The following AEBP2 variants were observed in gnomAD, a reference collection of about 807,000 sequenced individuals.
AEBP2 encodes the protein AE binding protein 2, also known as zinc finger protein AEBP2.
In AEBP2, 10 loss-of-function variants were observed where a neutral mutation model predicts 50.8. That is an observed-to-expected ratio of 0.20 (90% CI 0.12 to 0.33). AEBP2 has a LOEUF of 0.33. Ranked by LOEUF, AEBP2 falls within the 10% of genes least tolerant of loss-of-function variation. The pLI, the probability that AEBP2 is intolerant of heterozygous loss-of-function variation, is 1.00. For missense variants in AEBP2, 570 were observed against 688.0 expected, an observed-to-expected ratio of 0.83 and a Z score of 1.92; for synonymous variants, 296 against 261.3, an observed-to-expected ratio of 1.13 and a Z score of -1.28.
chr12:19,454,548 C>T (rs113165865), intron 1 of AEBP2, among the ~76,000 whole-genome samples: 418 of 152,260 alleles, frequency 2.7e-3, no homozygotes, highest in African/African-American at 9.6e-3. Context: ...CCTTTTTACT[C>T]AGTGATGTAT....
At chr12:19,449,960 C>T (rs1948138162) in intron 1 of AEBP2, among the ~76,000 whole-genome samples, 1 of 152,150 alleles carries the variant, frequency 6.6e-6, no homozygotes, top group Non-Finnish European at 1.5e-5. Flanking sequence ...AGAATTCCTT[C>T]CACCTTAGAT....
intron 2 of AEBP2, among the ~76,000 whole-genome samples, chr12:19,465,532 A>G (rs930156185): frequency 1.3e-5 from 2 of 152,206 alleles, no homozygotes; most frequent in Non-Finnish European, 2.9e-5. Context: ...GTTTTTTCCT[A>G]CATACCAGTC....
At chr12:19,479,303 C>T (rs1172244077) in intron 3 of AEBP2, among the ~76,000 whole-genome samples, 2 of 152,140 alleles carry the variant, frequency 1.3e-5, no homozygotes, top group Non-Finnish European at 2.9e-5. Flanking sequence ...TGTTGACTTT[C>T]GGTCTTGATG....
chr12:19,488,428 A>G (rs182547344), intron 3 of AEBP2, among the ~76,000 whole-genome samples: 148 of 151,228 alleles, frequency 9.8e-4, no homozygotes, highest in Non-Finnish European at 1.8e-3. Context: ...GCTCCTATCC[A>G]TATTAAATAT....
chr12:19,437,533 G>C (rs1489783284), upstream of AEBP2, among the ~76,000 whole-genome samples: 2 of 152,036 alleles, frequency 1.3e-5, no homozygotes, highest in Non-Finnish European at 2.9e-5. Flanking sequence ...CGTAGAGACA[G>C]GGTCTCGCTA....
chr12:19,443,909 C>G (rs1005294873), intron 1 of AEBP2, among the ~76,000 whole-genome samples: 1 of 151,678 alleles, frequency 6.6e-6, no homozygotes, highest in African/African-American at 2.4e-5. Flanking sequence ...AAGTTTATAG[C>G]GTGTTTATTT....
At chr12:19,496,088 G>T (rs1204578289) in intron 4 of AEBP2, among the ~76,000 whole-genome samples, 1 of 152,040 alleles carries the variant, frequency 6.6e-6, no homozygotes, top group Non-Finnish European at 1.5e-5. Context: ...TAGTCTCAGT[G>T]TATACAGTAA....
Position 19,440,193 on chromosome 12 carries a change from G to T in AEBP2, c.494G>T (p.Arg165Leu). 6.9e-7 allele frequency: 1 copy of T among 1,455,182 alleles called. No homozygotes were observed. The allele number at this position is 1,455,182 out of a possible 1,614,324, so 90.1% of individuals were successfully genotyped here. A position where few individuals can be genotyped will look rare whatever the true frequency, so the allele number is the denominator to read the frequency against. ...KEGLEEPKGP[R>L]GSQGGGGGGS... ...GGCCTGGAGGAGCCCAAGGGACCGC[G>T]GGGCAGCCAGGGCGGCGGCGGGGGC... The change falls in exon 1 of 8, where the codon CGG becomes CTG. Residue 165 changes from arginine to leucine, a missense_variant. Arg to Leu is a moderately radical substitution (Grantham distance 102). Coordinates refer to ENST00000266508, the MANE Select transcript of AEBP2 (RefSeq NM_153207.5).
intron 1 of AEBP2, among the ~76,000 whole-genome samples, chr12:19,425,908 G>T (rs2153364833): frequency 6.6e-6 from 1 of 151,894 alleles, no homozygotes; most frequent in Middle Eastern, 3.5e-3. Flanking sequence ...GCTTTCTGAT[G>T]CTTGATTCCC....
chr12:19,464,725 T>C (rs2153370691), intron 2 of AEBP2, among the ~76,000 whole-genome samples: 1 of 151,898 alleles, frequency 6.6e-6, no homozygotes, highest in Admixed American at 6.6e-5. Context: ...TAGCTGGGAT[T>C]ACAGGCCTGA....
At chr12:19,463,667 ATTTTTTTTTTT>A (rs34007914) in intron 2 of AEBP2, among the ~76,000 whole-genome samples, 1 of 84,672 alleles carries the variant, frequency 1.2e-5, no homozygotes, top group Admixed American at 1.6e-4. Flanking sequence ...TCATACTTGA[ATTTTTTTTTTT>A]TTTTTTTTTT....
At chr12:19,504,850 T>C (rs1424232519) in intron 5 of AEBP2, among the ~76,000 whole-genome samples, 1 of 152,140 alleles carries the variant, frequency 6.6e-6, no homozygotes, top group Non-Finnish European at 1.5e-5. Context: ...TTAGAATATT[T>C]AAAGGTAGAA....
At chr12:19,463,972 TC>T (rs1284427449) in intron 2 of AEBP2, among the ~76,000 whole-genome samples, 3 of 152,156 alleles carry the variant, frequency 2.0e-5, no homozygotes, top group African/African-American at 7.2e-5. Context: ...GACCGAAATT[TC>T]TTTTAAGACA....
intron 1 of AEBP2, among the ~76,000 whole-genome samples, chr12:19,412,068 G>T (rs895527902): frequency 1.3e-5 from 2 of 152,252 alleles, no homozygotes; most frequent in African/African-American, 4.8e-5. Flanking sequence ...AGACAGCAAG[G>T]CTGAGTTCTT....
intron 2 of AEBP2, among the ~76,000 whole-genome samples, chr12:19,464,531 A>G (rs967258828): frequency 1.3e-5 from 2 of 152,100 alleles, no homozygotes; most frequent in African/African-American, 2.4e-5. Flanking sequence ...AGATTTGTAG[A>G]AAAAATGCAG....
At chr12:19,460,509 A>G (rs1397579842) in intron 1 of AEBP2, among the ~76,000 whole-genome samples, 1 of 152,028 alleles carries the variant, frequency 6.6e-6, no homozygotes, top group Non-Finnish European at 1.5e-5. Context: ...GTGTGCCACC[A>G]TGCCCAGCTG....
At chr12:19,414,018 C>T (rs563043041) in intron 1 of AEBP2, among the ~76,000 whole-genome samples, 12 of 152,018 alleles carry the variant, frequency 7.9e-5, no homozygotes, top group Admixed American at 5.9e-4. Context: ...CTTAACCTCC[C>T]GAGTAGCTGA....
chr12:19,422,144 G>T (rs545005138), intron 1 of AEBP2, among the ~76,000 whole-genome samples: 27 of 152,132 alleles, frequency 1.8e-4, no homozygotes, highest in African/African-American at 6.5e-4. Context: ...TCTGGGTGGA[G>T]GGGGGAGGGG....
chr12:19,429,414 T>C (rs1422940217), intron 1 of AEBP2, among the ~76,000 whole-genome samples: 2 of 152,190 alleles, frequency 1.3e-5, no homozygotes, highest in Non-Finnish European at 1.5e-5. Flanking sequence ...TCTTTGCTAT[T>C]GTGAATAGTG....
Sources: allele counts gnomAD v4.1 joint callset (sites outside exome capture counted in the v4.1 genomes callset), GRCh38; gene constraint gnomAD v4.1.1; transcripts MANE v1.5; gene names NCBI Gene and HGNC (gene_info 2026-07-23, HGNC 2026-07-21).